JAZF1: variants seen among roughly 807,000 people sequenced by gnomAD.
JAZF1 encodes juxtaposed with another zinc finger protein 1.
A neutral mutation model predicts 26.4 loss-of-function variants in JAZF1; 8 were observed. The observed-to-expected ratio is 0.30, with a 90% confidence interval of 0.18 to 0.55. JAZF1 has a LOEUF of 0.55. Among genes scored for constraint, JAZF1 ranks in the 20% least tolerant of loss-of-function variants. JAZF1 has a pLI of 0.94. For missense variants in JAZF1, 199 were observed against 322.0 expected, an observed-to-expected ratio of 0.62 and a Z score of 2.92; for synonymous variants, 126 against 122.3, an observed-to-expected ratio of 1.03 and a Z score of -0.20.
intron 1 of JAZF1, among the ~76,000 whole-genome samples, chr7:28,068,334 T>G (rs548680246): frequency 6.6e-6 from 1 of 151,742 alleles, no homozygotes; most frequent in Admixed American, 6.6e-5. Flanking sequence ...AAAAAGGATA[T>G]GTAATGGGCA....
At chr7:28,032,916 C>A (rs1038439136) in intron 1 of JAZF1, among the ~76,000 whole-genome samples, 6 of 152,118 alleles carry the variant, frequency 3.9e-5, no homozygotes, top group African/African-American at 1.4e-4. Flanking sequence ...CACTGCAGCT[C>A]CAGCAACTCC....
chr7:27,899,636 T>C (rs1333143279), intron 2 of JAZF1, among the ~76,000 whole-genome samples: 2 of 152,104 alleles, frequency 1.3e-5, no homozygotes. Flanking sequence ...GGTCTCTCTA[T>C]GTTGCCCAGG....
intron 1 of JAZF1, among the ~76,000 whole-genome samples, chr7:28,060,667 A>C (rs1783783572): frequency 6.6e-6 from 1 of 152,122 alleles, no homozygotes; most frequent in Admixed American, 6.5e-5. Context: ...TCCTTGGAGG[A>C]GTCTCAGGTT....
rs55972060 is a variant in JAZF1 at position 27,905,435 on chromosome 7, CTT to C, written c.189-10021_189-10020del. 8.9e-3 allele frequency among the ~76,000 whole-genome samples: 1,282 copies of C among 144,494 alleles called. 18 individuals are homozygous for C. Among genetic ancestry groups the C allele is most frequent in the African/African-American group, 0.029 (1,147 of 39,784 alleles). The allele number at this position is 144,494 out of a possible 152,430, so 94.8% of individuals were successfully genotyped here. ...CTTCTAGATGTTCATTTCTTTCTTT[CTT>C]TTTTTTTTTTGTGGGGGAGAGGGAA... On this transcript the variant is annotated intron_variant, in intron 2 of 4. Transcript: ENST00000283928.
At chr7:28,126,680 C>T (rs975355724) in intron 1 of JAZF1, among the ~76,000 whole-genome samples, 6 of 152,172 alleles carry the variant, frequency 3.9e-5, no homozygotes, top group South Asian at 2.1e-4. Flanking sequence ...GACTGTACTC[C>T]CCATTCCCCA....
intron 1 of JAZF1, among the ~76,000 whole-genome samples, chr7:28,102,922 G>C (rs538161905): frequency 6.6e-6 from 1 of 152,316 alleles, no homozygotes; most frequent in East Asian, 1.9e-4. Context: ...CACAGCCAGA[G>C]GACTCTCATG....
At chr7:28,068,715 A>G (rs994996114) in intron 1 of JAZF1, among the ~76,000 whole-genome samples, 1 of 151,574 alleles carries the variant, frequency 6.6e-6, no homozygotes, top group African/African-American at 2.4e-5. Context: ...TTTTTAAAAA[A>G]GGAGGAGGAC....
chr7:27,857,373 G>C (rs10228576), intron 3 of JAZF1, among the ~76,000 whole-genome samples: 1 of 152,114 alleles, frequency 6.6e-6, no homozygotes, highest in African/African-American at 2.4e-5. Flanking sequence ...CCACAGCCCC[G>C]GTTCCCACCT....
chr7:28,144,984 T>G (rs566561172), intron 1 of JAZF1, among the ~76,000 whole-genome samples: 11 of 152,220 alleles, frequency 7.2e-5, no homozygotes, highest in Non-Finnish European at 1.6e-4. Flanking sequence ...GGAGATGAGA[T>G]CACTCTCCTC....
intron 1 of JAZF1, among the ~76,000 whole-genome samples, chr7:28,138,271 G>T (rs1314899480): frequency 1.3e-5 from 2 of 152,202 alleles, no homozygotes; most frequent in Admixed American, 6.5e-5. Context: ...TCCGAACAGA[G>T]CCAGCCAGGT....
intron 1 of JAZF1, among the ~76,000 whole-genome samples, chr7:28,032,611 T>C (rs1053687642): frequency 2.1e-4 from 32 of 152,140 alleles, no homozygotes; most frequent in African/African-American, 7.7e-4. Flanking sequence ...AGTGAAACCT[T>C]ATCTTCACTT....
At chr7:27,838,418 C>T (rs540363235) in intron 4 of JAZF1, among the ~76,000 whole-genome samples, 2 of 152,268 alleles carry the variant, frequency 1.3e-5, no homozygotes, top group South Asian at 4.1e-4. Context: ...ACCTCATCTT[C>T]TGTCTGATCC....
intron 3 of JAZF1, among the ~76,000 whole-genome samples, chr7:27,877,692 C>T (rs1783702989): frequency 6.6e-6 from 1 of 152,248 alleles, no homozygotes; most frequent in Admixed American, 6.5e-5. Context: ...AAGTCAGCAT[C>T]TTCTCCAAGA....
At chr7:28,001,818 G>T (rs1333876169) in intron 1 of JAZF1, among the ~76,000 whole-genome samples, 1 of 152,042 alleles carries the variant, frequency 6.6e-6, no homozygotes, top group African/African-American at 2.4e-5. Flanking sequence ...GGACTGGGCG[G>T]GGGCGGGAAA....
rs529627724 is a variant in JAZF1 at position 28,090,983 on chromosome 7, C to T, written c.115+89480G>A. Among the ~76,000 whole-genome samples the T allele has an allele frequency of 5.5e-4, 83 of 151,000 alleles. 1 individual carries two copies. In the East Asian group the frequency reaches 0.013, roughly 24 times the overall value. Reference sequence around the variant, plus strand: ...CTGGGACTACAGGCGCCCGCCACCGCGCCCGGCTAATTTTTTGTATTTTTA... The same window carrying T: ...CTGGGACTACAGGCGCCCGCCACCGTGCCCGGCTAATTTTTTGTATTTTTA... On this transcript the variant is annotated intron_variant, in intron 1 of 4. Coordinates refer to ENST00000283928, the MANE Select transcript of JAZF1 (RefSeq NM_175061.4).
chr7:28,069,693 T>C (rs1783944251), intron 1 of JAZF1, among the ~76,000 whole-genome samples: 1 of 152,164 alleles, frequency 6.6e-6, no homozygotes, highest in Non-Finnish European at 1.5e-5. Flanking sequence ...TCCAACCCTC[T>C]GGTTCACAGG....
At chr7:27,921,675 A>G (rs1784531569) in intron 2 of JAZF1, among the ~76,000 whole-genome samples, 1 of 152,146 alleles carries the variant, frequency 6.6e-6, no homozygotes. Flanking sequence ...TATCATCTTC[A>G]TCATCATCGT....
At chr7:28,132,857 T>C (rs797000085) in intron 1 of JAZF1, among the ~76,000 whole-genome samples, 18 of 151,474 alleles carry the variant, frequency 1.2e-4, no homozygotes, top group African/African-American at 4.4e-4. Flanking sequence ...CCCCTACCCA[T>C]CTCTGAGCCT....
At chr7:28,073,592 C>A (rs1243357072) in intron 1 of JAZF1, among the ~76,000 whole-genome samples, 1 of 152,158 alleles carries the variant, frequency 6.6e-6, no homozygotes, top group South Asian at 2.1e-4. Context: ...ACACTTAGAA[C>A]CACTGAGGCA....
Sources: gnomAD v4.1 joint callset for allele counts (sites outside exome capture counted in the v4.1 genomes callset) on GRCh38, gnomAD v4.1.1 for gene constraint, MANE v1.5 for transcripts, NCBI Gene and HGNC (gene_info 2026-07-23, HGNC 2026-07-21) for gene names.